Variants in CHM observed in about 807,000 individuals in gnomAD.
CHM encodes rab proteins geranylgeranyltransferase component A 1.
CHM carries 10 observed loss-of-function variants against 49.0 expected under a neutral mutation model. That is an observed-to-expected ratio of 0.20 (90% CI 0.13 to 0.35). CHM has a LOEUF of 0.35. CHM is among the 10% of genes least tolerant of loss of function. CHM has a pLI of 1.00. For missense variants in CHM, 455 were observed against 478.4 expected (o/e 0.95, Z 0.46); for synonymous variants, 184 against 167.5 (o/e 1.10, Z -0.76).
At chrX:86,013,917 A>G (rs1933184532) in intron 2 of CHM, among the ~76,000 whole-genome samples, 1 of 111,917 alleles carries the variant, frequency 8.9e-6, no homozygotes, top group Non-Finnish European at 1.9e-5. Context: ...AGCAATGTTT[A>G]TAAAGGGCCA....
At chrX:85,967,241 C>T (rs1220025364) in intron 4 of CHM, among the ~76,000 whole-genome samples, 1 of 111,855 alleles carries the variant, frequency 8.9e-6, no homozygotes. Context: ...TATCTTTCCC[C>T]AAATTTAAAA....
rs761670818 is a variant in CHM, at chrX:85,879,041, T to C, written c.1533A>G (p.Thr511=). Residue 511 remains threonine, a synonymous_variant, in exon 13 of 15, where the codon ACA becomes ACG. Coordinates refer to ENST00000357749, the MANE Select transcript of CHM (RefSeq NM_000390.4). ...AATCTTCTCTTGCTGTTTTAGAAGA[T>C]GTGCAAGTCAAATGAACCAAATCTG... ...KGTYLVHLTC[T]SSKTAREDLE... 1.7e-6 allele frequency: 2 copies of C among 1,196,427 alleles called. No homozygotes were observed. The highest frequency in any genetic ancestry group is 1.1e-6 in the Non-Finnish European group (1 of 884,776).
At chrX:86,041,399 C>T (rs766748775) in intron 1 of CHM, among the ~76,000 whole-genome samples, 2 of 110,792 alleles carry the variant, frequency 1.8e-5, no homozygotes, top group Admixed American at 1.9e-4. Context: ...TTTTTCAGAA[C>T]AGCAAAATCT....
rs748201275 is a variant in CHM at position 85,930,812 on chromosome X, C to T, written c.1167-19474G>A. 5.2e-4 allele frequency among the ~76,000 whole-genome samples: 58 copies of T among 111,828 alleles called. 1 individual carries two copies. Among genetic ancestry groups the T allele is most frequent in the African/African-American group, 1.8e-3 (56 of 30,823 alleles). On this transcript the variant is annotated intron_variant, in intron 8 of 14. Transcript: ENST00000357749. Reference sequence around the variant, plus strand: ...CCTCATGAGAAATTCAAGTCTTTATCGAGTTATTTGTAGGAGGATCAGAAT... The same window carrying T: ...CCTCATGAGAAATTCAAGTCTTTATTGAGTTATTTGTAGGAGGATCAGAAT...
chrX:85,921,948 A>C (rs978996780), intron 8 of CHM, among the ~76,000 whole-genome samples: 36 of 111,950 alleles, frequency 3.2e-4, no homozygotes, highest in Non-Finnish European at 5.8e-4. Context: ...AGGGGATCCC[A>C]AAAGTCTTTA....
intron 9 of CHM, among the ~76,000 whole-genome samples, chrX:85,909,878 C>T (rs1467062815): frequency 1.8e-5 from 2 of 111,807 alleles, no homozygotes; most frequent in African/African-American, 6.5e-5. Flanking sequence ...TGGGAACATA[C>T]TCTTGTAGCA....
chrX:86,016,638 T>C (rs915930996), intron 2 of CHM, among the ~76,000 whole-genome samples: 23 of 112,263 alleles, frequency 2.0e-4, no homozygotes, highest in African/African-American at 7.4e-4. Context: ...TTTCAGAGGA[T>C]GTATGGAAAT....
chrX:85,990,255 A>G (rs1375596897), intron 2 of CHM, among the ~76,000 whole-genome samples: 2 of 112,100 alleles, frequency 1.8e-5, no homozygotes, highest in Non-Finnish European at 3.8e-5. Context: ...ACCAAATACC[A>G]AGTGTTTTCA....
intron 12 of CHM, among the ~76,000 whole-genome samples, chrX:85,890,405 C>T (rs899357739): frequency 1.8e-5 from 2 of 111,463 alleles, no homozygotes; most frequent in African/African-American, 6.5e-5. Flanking sequence ...TGGCTGTGTC[C>T]ACAGCCAAAT....
chrX:85,918,190 C>G (rs1021100892), intron 8 of CHM, among the ~76,000 whole-genome samples: 5 of 110,851 alleles, frequency 4.5e-5, no homozygotes, highest in Admixed American at 3.9e-4. Context: ...ACAAAGGGAA[C>G]CCCATCAGGC....
intron 1 of CHM, among the ~76,000 whole-genome samples, chrX:86,033,229 A>G (rs1262894484): frequency 8.9e-6 from 1 of 111,974 alleles, no homozygotes; most frequent in East Asian, 2.8e-4. Flanking sequence ...TAAACATAAA[A>G]TAAAGTACTT....
intron 2 of CHM, among the ~76,000 whole-genome samples, chrX:86,019,241 C>G (rs775796827): frequency 9.0e-6 from 1 of 111,619 alleles, no homozygotes; most frequent in African/African-American, 3.3e-5. Flanking sequence ...CTCTAAATAA[C>G]CAATAGAGCA....
At chrX:85,989,070 G>T (rs1932054739) in intron 2 of CHM, among the ~76,000 whole-genome samples, 1 of 111,550 alleles carries the variant, frequency 9.0e-6, no homozygotes, top group Non-Finnish European at 1.9e-5. Context: ...AACAAAGCTG[G>T]AGGCATCACG....
chrX:85,875,234 G>A (rs748106973), intron 13 of CHM, among the ~76,000 whole-genome samples: 32 of 111,565 alleles, frequency 2.9e-4, no homozygotes, highest in African/African-American at 1.0e-3. Context: ...CTTTCTTTGA[G>A]GTCAGCTGGA....
chrX:86,030,668 A>G (rs1934003655), intron 1 of CHM, among the ~76,000 whole-genome samples: 1 of 111,261 alleles, frequency 9.0e-6, no homozygotes, highest in African/African-American at 3.3e-5. Context: ...CACAATGGAA[A>G]GAAACACTCC....
chrX:85,878,738 GT>G (rs1194334835), intron 13 of CHM, among the ~76,000 whole-genome samples: 1 of 110,864 alleles, frequency 9.0e-6, no homozygotes, highest in African/African-American at 3.3e-5. Context: ...GCTTAATTAT[GT>G]TTTTTTGGTG....
chrX:85,920,723 A>G (rs1023211653), intron 8 of CHM, among the ~76,000 whole-genome samples: 1 of 112,123 alleles, frequency 8.9e-6, no homozygotes, highest in Admixed American at 9.5e-5. Flanking sequence ...GAGGTCATTT[A>G]GGAAATGGTA....
chrX:86,046,057 G>A (rs937313294), intron 1 of CHM, among the ~76,000 whole-genome samples: 1 of 112,178 alleles, frequency 8.9e-6, no homozygotes, highest in Admixed American at 9.4e-5. Context: ...CTGTTACCCA[G>A]GCATTTTTTG....
At position 85,934,476 on chromosome X, in the gene CHM, A is replaced by C. The variant is rs370215587; in HGVS notation, c.1166+21677T>G. Among the ~76,000 whole-genome samples, 24 of 77,770 alleles carry C rather than the reference A, an allele frequency of 3.1e-4. No individual in the cohort carries two copies. The East Asian group carries it at 5.1e-3, about 17-fold the overall frequency. 67.5% of individuals were successfully genotyped at this position (77,770 alleles called of 115,157 possible). ...GTGTGATGTTCCCCATCCTGTGTCC[A>C]TCCTGTGTCCAAGTGTTCTCATTGC... On this transcript the variant is annotated intron_variant, in intron 8 of 14. Coordinates refer to ENST00000357749, the MANE Select transcript of CHM (RefSeq NM_000390.4).
Sources: gnomAD v4.1 joint callset for allele counts (sites outside exome capture counted in the v4.1 genomes callset) on GRCh38, gnomAD v4.1.1 for gene constraint, MANE v1.5 for transcripts, NCBI Gene and HGNC (gene_info 2026-07-23, HGNC 2026-07-21) for gene names.